MSRA: variants seen among roughly 807,000 people sequenced by gnomAD.
MSRA encodes the protein methionine sulfoxide reductase A, also known as mitochondrial peptide methionine sulfoxide reductase.
Under a neutral mutation model 31.3 loss-of-function variants are expected in MSRA, and 54 were observed. The ratio of observed to expected loss-of-function variants is 1.73; its 90% CI spans 1.39 to 2.17. The LOEUF is 2.17. MSRA is among the 30% of genes most tolerant of loss of function. The pLI, the probability that MSRA is intolerant of heterozygous loss-of-function variation, is 0.00. For synonymous variants in MSRA, 169 were observed against 116.5 expected (o/e 1.45, Z -2.90); for missense variants, 507 against 300.9 (o/e 1.69, Z -5.07).
chr8:10,351,576 T>C (rs777182054), intron 5 of MSRA, among the ~76,000 whole-genome samples: 5 of 152,162 alleles, frequency 3.3e-5, no homozygotes, highest in African/African-American at 9.7e-5. Flanking sequence ...TTTGCATAGA[T>C]TATCTCTGTA....
At chr8:10,115,648 C>T (rs1005341219) in intron 1 of MSRA, among the ~76,000 whole-genome samples, 1 of 152,120 alleles carries the variant, frequency 6.6e-6, no homozygotes, top group Non-Finnish European at 1.5e-5. Flanking sequence ...AGATTGATGC[C>T]ATGAGCTGTG....
intron 5 of MSRA, among the ~76,000 whole-genome samples, chr8:10,378,423 C>T (rs1339324187): frequency 6.6e-6 from 1 of 152,204 alleles, no homozygotes; most frequent in Non-Finnish European, 1.5e-5. Flanking sequence ...GCCGGCTAAT[C>T]CCCTGGTGAT....
chr8:10,326,092 C>T (rs528294956), intron 5 of MSRA, among the ~76,000 whole-genome samples: 52 of 152,312 alleles, frequency 3.4e-4, no homozygotes, highest in Middle Eastern at 3.4e-3. Flanking sequence ...CATTTGTCTT[C>T]TTTGAGCGCT....
At chr8:10,186,263 T>G (rs1261888472) in intron 1 of MSRA, among the ~76,000 whole-genome samples, 1 of 152,236 alleles carries the variant, frequency 6.6e-6, no homozygotes, top group East Asian at 1.9e-4. Flanking sequence ...GGCAAACATT[T>G]TCTATAAAGG....
intron 5 of MSRA, among the ~76,000 whole-genome samples, chr8:10,388,558 A>T (rs1806536269): frequency 6.6e-6 from 1 of 152,148 alleles, no homozygotes; most frequent in Admixed American, 6.5e-5. Flanking sequence ...GCAAGATGGG[A>T]GACATCCGAT....
chr8:10,223,297 G>A (rs9657537), intron 2 of MSRA, among the ~76,000 whole-genome samples: 5,291 of 152,308 alleles, frequency 0.035, 275 homozygotes, highest in African/African-American at 0.12. Flanking sequence ...AGTTGAAGTT[G>A]AGAAGCACTT....
rs148441527 is a variant in MSRA, at chr8:10,348,865, C to T, written c.543+28876C>T. Among the ~76,000 whole-genome samples, 434 of 152,204 alleles carry T rather than the reference C, an allele frequency of 2.9e-3. 2 individuals carry two copies. The highest frequency in any genetic ancestry group is 0.012 in the South Asian group (59 of 4,804). On this transcript the variant is annotated intron_variant, in intron 5 of 5. Coordinates refer to ENST00000317173, the MANE Select transcript of MSRA (RefSeq NM_012331.5). ...GGGGGGGACAAGGCACATGAGTGTG[C>T]ATAACGATCTCATAGACCAGCATGG...
intron 4 of MSRA, among the ~76,000 whole-genome samples, chr8:10,303,439 C>T (rs1395393495): frequency 6.6e-6 from 1 of 152,188 alleles, no homozygotes; most frequent in Non-Finnish European, 1.5e-5. Context: ...ATTTGGCCTT[C>T]TATGGGCTCT....
chr8:10,175,384 C>A (rs11993663), intron 1 of MSRA, among the ~76,000 whole-genome samples: 52,987 of 152,086 alleles, frequency 0.35, 9,418 homozygotes, highest in South Asian at 0.48. Flanking sequence ...TTGGAACATA[C>A]GCTGTTATCA....
Position 10,054,646 on chromosome 8 carries a change from A to G in MSRA, c.130A>G (p.Thr44Ala). The change falls in exon 1 of 6, where the codon ACC (threonine) becomes GCC (alanine). Residue 44 changes from threonine (T) to alanine (A), a missense_variant. Thr to Ala is a moderately conservative substitution (Grantham distance 58). Transcript: ENST00000317173. ...GGCCTTGCCGGGCCGGAAGGAACAG[A>G]CCCCTGTAGCGGGTAAGCACTGGCC... ...QEALPGRKEQ[T>A]PVAAKHHVNG... 1 of 1,566,708 alleles carries G rather than the reference A, an allele frequency of 6.4e-7. No homozygotes were observed. Among genetic ancestry groups the G allele is most frequent in the Non-Finnish European group, 8.6e-7 (1 of 1,157,578 alleles).
chr8:10,300,618 C>A (rs998874651), intron 3 of MSRA, among the ~76,000 whole-genome samples: 1 of 152,146 alleles, frequency 6.6e-6, no homozygotes, highest in Admixed American at 6.5e-5. Flanking sequence ...AACTCCTGAC[C>A]TCAGGTGATG....
intron 3 of MSRA, among the ~76,000 whole-genome samples, chr8:10,262,186 G>T (rs992621260): frequency 2.6e-5 from 4 of 152,126 alleles, no homozygotes; most frequent in Admixed American, 1.3e-4. Flanking sequence ...TGCTATTAAC[G>T]TTTGTGTACA....
At chr8:10,422,086 G>A (rs1270719026) in intron 5 of MSRA, among the ~76,000 whole-genome samples, 1 of 152,218 alleles carries the variant, frequency 6.6e-6, no homozygotes, top group Non-Finnish European at 1.5e-5. Flanking sequence ...TTTGAGACCA[G>A]CGTGGACAAC....
chr8:10,428,174 C>T lies in MSRA; in HGVS notation c.570C>T (p.Pro190=). The part of the protein sequence containing the change: ...QKVLSEHGFG[P]ITTDIREGQT... ...TTCTTTCAGAGCACGGCTTCGGCCCCATCACTACCGACATCCGGGAGGGAC... is the reference window on the plus strand; with the variant it reads ...TTCTTTCAGAGCACGGCTTCGGCCCTATCACTACCGACATCCGGGAGGGAC... The change falls in exon 6 of 6, where the codon CCC becomes CCT. Residue 190 remains proline, a synonymous_variant. Transcript: ENST00000317173. 5.6e-6 allele frequency: 9 copies of T among 1,614,048 alleles called. No homozygotes were observed. Among genetic ancestry groups the T allele is most frequent in the Non-Finnish European group, 7.6e-6 (9 of 1,179,992 alleles).
intron 5 of MSRA, among the ~76,000 whole-genome samples, chr8:10,406,353 C>T (rs1468979795): frequency 1.3e-5 from 2 of 152,204 alleles, no homozygotes; most frequent in African/African-American, 2.4e-5. Flanking sequence ...AGAATGTGAC[C>T]TTTCAGCTAC....
chr8:10,415,662 C>T (rs1244437771), intron 5 of MSRA, among the ~76,000 whole-genome samples: 5 of 152,088 alleles, frequency 3.3e-5, no homozygotes, highest in African/African-American at 1.2e-4. Flanking sequence ...CTGGCCTAGC[C>T]CACCTTTCCA....
intron 1 of MSRA, among the ~76,000 whole-genome samples, chr8:10,195,639 G>C (rs544133668): frequency 6.6e-6 from 1 of 152,326 alleles, no homozygotes; most frequent in African/African-American, 2.4e-5. Context: ...TGGAAGCCTT[G>C]TGTTTTTAAT....
intron 5 of MSRA, among the ~76,000 whole-genome samples, chr8:10,374,434 G>A (rs1805645801): frequency 6.6e-6 from 1 of 152,132 alleles, no homozygotes; most frequent in South Asian, 2.1e-4. Flanking sequence ...CCTAGGCTGG[G>A]TACCGTGCAT....
chr8:10,299,486 A>C (rs572498471), intron 3 of MSRA, among the ~76,000 whole-genome samples: 3 of 152,276 alleles, frequency 2.0e-5, no homozygotes, highest in South Asian at 2.1e-4. Context: ...CTTTTAGCAT[A>C]AAATCTGTTT....
Sources: allele counts gnomAD v4.1 joint callset (sites outside exome capture counted in the v4.1 genomes callset), GRCh38; gene constraint gnomAD v4.1.1; transcripts MANE v1.5; gene names NCBI Gene and HGNC (gene_info 2026-07-23, HGNC 2026-07-21).